The following ZNF385D variants were observed in gnomAD, a reference collection of about 807,000 sequenced individuals.
ZNF385D encodes zinc finger protein 659.
In ZNF385D, 15 loss-of-function variants were observed where a neutral mutation model predicts 35.8. The observed-to-expected ratio is 0.42, with a 90% CI of 0.28 to 0.64. The LOEUF is 0.64. Ranked by LOEUF, ZNF385D falls within the 30% of genes least tolerant of loss-of-function variation. The pLI, the probability that ZNF385D is intolerant of heterozygous loss-of-function variation, is 0.23. For missense variants in ZNF385D, 474 were observed against 494.6 expected, an observed-to-expected ratio of 0.96 and a Z score of 0.39; for synonymous variants, 212 against 186.8, an observed-to-expected ratio of 1.13 and a Z score of -1.10.
intron 1 of ZNF385D, among the ~76,000 whole-genome samples, chr3:21,731,917 C>T (rs1478004532): frequency 6.6e-6 from 1 of 151,248 alleles, no homozygotes; most frequent in Non-Finnish European, 1.5e-5. Flanking sequence ...AATATAGCAT[C>T]ATGTAGATAT....
intron 2 of ZNF385D, among the ~76,000 whole-genome samples, chr3:22,299,695 G>C (rs539622666): frequency 6.6e-6 from 1 of 151,608 alleles, no homozygotes; most frequent in Non-Finnish European, 1.5e-5. Context: ...CTCTGAAAAA[G>C]AAAACGATCC....
rs148835858 is a variant in ZNF385D at position 21,980,319 on chromosome 3, C to T, written c.325+188498G>A. Among the ~76,000 whole-genome samples the T allele has an allele frequency of 2.6e-3, 392 of 152,202 alleles. 2 individuals are homozygous for T. The highest frequency in any genetic ancestry group is 9.0e-3 in the African/African-American group (373 of 41,540). ...GTGAACTAGAACAACTCAGCTAAGT[C>T]GCTTTTGAATTCCTGACTCATGGAA... On this transcript the variant is annotated intron_variant, in intron 3 of 5. Transcript: ENST00000494108.
chr3:22,339,344 C>T (rs1048296118), intron 2 of ZNF385D, among the ~76,000 whole-genome samples: 2 of 152,130 alleles, frequency 1.3e-5, no homozygotes, highest in African/African-American at 4.8e-5. Context: ...TTCTCACCTT[C>T]TTTGTGAACA....
intron 3 of ZNF385D, among the ~76,000 whole-genome samples, chr3:21,525,614 G>A (rs1270033120): frequency 6.7e-6 from 1 of 150,246 alleles, no homozygotes; most frequent in Non-Finnish European, 1.5e-5. Context: ...AACCTGGGAG[G>A]CGGAGGTTGC....
intron 3 of ZNF385D, among the ~76,000 whole-genome samples, chr3:22,002,456 A>C (rs993810649): frequency 6.6e-6 from 1 of 152,154 alleles, no homozygotes; most frequent in Non-Finnish European, 1.5e-5. Flanking sequence ...CAGAAAAGAA[A>C]ATCCTAGGAC....
intron 3 of ZNF385D, among the ~76,000 whole-genome samples, chr3:21,543,217 A>G (rs1019548478): frequency 1.2e-4 from 19 of 152,170 alleles, no homozygotes; most frequent in Non-Finnish European, 2.2e-4. Flanking sequence ...GGGCTGAGGC[A>G]GGAGAATCAC....
intron 2 of ZNF385D, among the ~76,000 whole-genome samples, chr3:21,619,415 T>C (rs991804565): frequency 1.3e-4 from 12 of 92,590 alleles, no homozygotes; most frequent in Non-Finnish European, 2.3e-4. Flanking sequence ...TGTGTGTGCG[T>C]GTGTGTGTGT....
At chr3:21,897,902 G>A (rs916858652) in intron 3 of ZNF385D, among the ~76,000 whole-genome samples, 1 of 152,052 alleles carries the variant, frequency 6.6e-6, no homozygotes, top group African/African-American at 2.4e-5. Flanking sequence ...ACCCAGCATG[G>A]ATTTATTATT....
chr3:22,221,154 T>C (rs1363924164), intron 2 of ZNF385D, among the ~76,000 whole-genome samples: 1 of 152,104 alleles, frequency 6.6e-6, no homozygotes, highest in African/African-American at 2.4e-5. Context: ...TTTACCTATC[T>C]ATATAGGTAC....
intron 3 of ZNF385D, among the ~76,000 whole-genome samples, chr3:22,018,111 G>A (rs952975005): frequency 1.5e-4 from 22 of 151,642 alleles, no homozygotes; most frequent in Non-Finnish European, 1.6e-4. Flanking sequence ...TGTCAGTCAA[G>A]TTAATTTCTA....
chr3:22,322,276 A>G (rs1694475914), intron 2 of ZNF385D, among the ~76,000 whole-genome samples: 1 of 152,202 alleles, frequency 6.6e-6, no homozygotes, highest in South Asian at 2.1e-4. Context: ...TTTTCTTCAC[A>G]GAGGGACATG....
intron 3 of ZNF385D, among the ~76,000 whole-genome samples, chr3:22,070,651 C>A (rs1700185214): frequency 1.3e-5 from 2 of 151,780 alleles, no homozygotes; most frequent in Admixed American, 1.3e-4. Flanking sequence ...GGGTAGAGGA[C>A]ATGAGAAAAT....
At chr3:21,555,824 C>G (rs2062713965) in intron 3 of ZNF385D, among the ~76,000 whole-genome samples, 1 of 152,142 alleles carries the variant, frequency 6.6e-6, no homozygotes, top group Non-Finnish European at 1.5e-5. Flanking sequence ...TTTACACTTG[C>G]ACCAACAGTG....
chr3:22,078,005 A>G (rs1312057220), intron 3 of ZNF385D, among the ~76,000 whole-genome samples: 1 of 151,976 alleles, frequency 6.6e-6, no homozygotes, highest in Non-Finnish European at 1.5e-5. Context: ...TGGCCAAATA[A>G]AGATCATGTA....
chr3:21,748,700 T>C (rs767478348), intron 1 of ZNF385D, among the ~76,000 whole-genome samples: 1 of 152,188 alleles, frequency 6.6e-6, no homozygotes, highest in Non-Finnish European at 1.5e-5. Flanking sequence ...GCCAACCAAT[T>C]TGCAAAGTGA....
At chr3:21,938,368 C>G (rs887431280) in intron 3 of ZNF385D, among the ~76,000 whole-genome samples, 3 of 152,118 alleles carry the variant, frequency 2.0e-5, no homozygotes, top group African/African-American at 7.2e-5. Flanking sequence ...CTGAATGCAC[C>G]TCCTGTAACT....
intron 3 of ZNF385D, among the ~76,000 whole-genome samples, chr3:21,839,069 A>C (rs1695503787): frequency 6.6e-6 from 1 of 152,120 alleles, no homozygotes; most frequent in Non-Finnish European, 1.5e-5. Flanking sequence ...GGTTATTAGA[A>C]GATAATCTTT....
At chr3:21,511,479 G>A (rs1707194759) in intron 3 of ZNF385D, 2 of 351,672 alleles carry the variant, frequency 5.7e-6, no homozygotes, top group African/African-American at 4.3e-5. Flanking sequence ...TGTCTACAAG[G>A]AAAGGTTCAC....
chr3:22,071,241 C>G (rs756031974), intron 3 of ZNF385D, among the ~76,000 whole-genome samples: 1 of 152,096 alleles, frequency 6.6e-6, no homozygotes, highest in South Asian at 2.1e-4. Flanking sequence ...CCCAAAGGTT[C>G]CAACTCATTC....
Sources: allele counts gnomAD v4.1 joint callset (sites outside exome capture counted in the v4.1 genomes callset), GRCh38; gene constraint gnomAD v4.1.1; transcripts MANE v1.5; gene names NCBI Gene and HGNC (gene_info 2026-07-23, HGNC 2026-07-21).